The following PSD3 variants were observed in gnomAD, a reference collection of about 807,000 sequenced individuals.
PSD3 encodes the protein pleckstrin and Sec7 domain containing 3.
PSD3 carries 49 observed loss-of-function variants against 105.5 expected under a neutral mutation model. That is an observed-to-expected ratio of 0.46 (90% CI 0.37 to 0.59). The LOEUF (loss-of-function observed/expected upper bound fraction) is 0.59. Ranked by LOEUF, PSD3 falls within the 20% of genes least tolerant of loss-of-function variation. PSD3 has a pLI of 0.00. For synonymous variants in PSD3, 557 were observed against 457.8 expected (o/e 1.22, Z -2.77); for missense variants, 1,561 against 1,263.8 (o/e 1.24, Z -3.57).
intron 4 of PSD3, among the ~76,000 whole-genome samples, chr8:18,842,689 C>T (rs972533707): frequency 6.6e-6 from 1 of 151,614 alleles, no homozygotes; most frequent in Non-Finnish European, 1.5e-5. Flanking sequence ...GCCGAGATAG[C>T]GCCACCGCAC....
Position 18,871,691 on chromosome 8 carries a change from T to C in PSD3, c.1173A>G (p.Glu391=), listed in dbSNP as rs548160525. 7.4e-5 allele frequency: 120 copies of C among 1,614,088 alleles called. 2 individuals are homozygous for C. The South Asian group carries it at 1.1e-3, about 14-fold the overall frequency. Residue 391 remains glutamate (E), a synonymous_variant, in exon 3 of 16, where the codon GAA becomes GAG. Coordinates refer to ENST00000327040, the MANE Select transcript of PSD3 (RefSeq NM_015310.4). ...PVRLDESGED[E]VFLQENKQHL... is the part of the protein sequence containing the mutation. ...GCTGTTTGTTTTCCTGTAGGAAGAC[T>C]TCATCCTCTCCACTCTCATCAAGAC... is the stretch of plus-strand genomic sequence containing the variant.
rs2129841054 is a variant in PSD3 at position 18,528,918 on chromosome 8, G to C, written c.*6825C>G. 1 of 152,550 alleles carries C rather than the reference G, an allele frequency of 6.6e-6. No homozygotes were observed. Among genetic ancestry groups the C allele is most frequent in the African/African-American group, 2.4e-5 (1 of 41,564 alleles). 9.4% of individuals were successfully genotyped at this position (152,550 alleles called of 1,614,324 possible). A position where few individuals can be genotyped will look rare whatever the true frequency, so the allele number is the denominator to read the frequency against. On this transcript the variant is annotated 3_prime_UTR_variant, in exon 16 of 16. Coordinates refer to ENST00000327040, the MANE Select transcript of PSD3 (RefSeq NM_015310.4). ...GTTCCTTTCCATTTCCATCCTCGCTGTTGTTGCTGATGGAAAAGTGCTCAA... is the reference window on the plus strand; with the variant it reads ...GTTCCTTTCCATTTCCATCCTCGCTCTTGTTGCTGATGGAAAAGTGCTCAA...
rs765540896 is a variant in PSD3, at chr8:19,013,541, G to A, written c.21+22C>T. On this transcript the variant is annotated intron_variant, in intron 1 of 15. Coordinates refer to ENST00000327040, the MANE Select transcript of PSD3 (RefSeq NM_015310.4). ...GGCGCCGCGTGCGCACCCCGCGCCCGCGCCCCGGCCCCGGAGCTCACCGCT... is the reference window on the plus strand; with the variant it reads ...GGCGCCGCGTGCGCACCCCGCGCCCACGCCCCGGCCCCGGAGCTCACCGCT... The A allele has an allele frequency of 1.8e-5, 29 of 1,573,204 alleles. No homozygotes were observed. The African/African-American group carries it at 2.1e-4, about 11-fold the overall frequency.
At chr8:19,014,965 C>G (rs1430104625), upstream of PSD3, among the ~76,000 whole-genome samples, 4 of 152,196 alleles carry the variant, frequency 2.6e-5, no homozygotes, top group African/African-American at 9.7e-5. The surrounding 1 kb of genome is among the most constrained non-coding windows in gnomAD (Gnocchi z 4.9). Context: ...CTCATGCTCC[C>G]CCTGCCAGAG....
intron 15 of PSD3, among the ~76,000 whole-genome samples, chr8:18,543,835 T>C (rs1231633394): frequency 6.6e-6 from 1 of 152,122 alleles, no homozygotes; most frequent in Non-Finnish European, 1.5e-5. Context: ...CACACATATA[T>C]TTACATGGAT....
intron 13 of PSD3, among the ~76,000 whole-genome samples, chr8:18,573,892 C>G (rs1481335163): frequency 1.3e-5 from 2 of 151,972 alleles, no homozygotes; most frequent in Non-Finnish European, 2.9e-5. Flanking sequence ...TGTAAATATG[C>G]TAAAAAAATC....
intron 14 of PSD3, among the ~76,000 whole-genome samples, chr8:18,558,839 A>G (rs1052779015): frequency 6.6e-6 from 1 of 152,042 alleles, no homozygotes; most frequent in Admixed American, 6.5e-5. Flanking sequence ...AAAACAAAAC[A>G]AAACCAGAAG....
intron 1 of PSD3, among the ~76,000 whole-genome samples, chr8:19,002,387 G>A (rs188000930): frequency 2.6e-5 from 4 of 152,012 alleles, no homozygotes; most frequent in Admixed American, 6.6e-5. Flanking sequence ...GGTTCTTACC[G>A]TTCCTATTAT....
chr8:18,862,718 G>A (rs1202006738), intron 4 of PSD3, among the ~76,000 whole-genome samples: 1 of 151,628 alleles, frequency 6.6e-6, no homozygotes, highest in Non-Finnish European at 1.5e-5. Context: ...AGTTTAAACT[G>A]GGATGTTGAA....
At chr8:18,675,881 T>C (rs180683897) in intron 9 of PSD3, among the ~76,000 whole-genome samples, 2 of 152,204 alleles carry the variant, frequency 1.3e-5, no homozygotes, top group African/African-American at 4.8e-5. Context: ...AAATAAAAAA[T>C]ATTTTCCAAA....
At chr8:19,072,175 C>T (rs1829292394) in intron 1 of PSD3, among the ~76,000 whole-genome samples, 1 of 151,578 alleles carries the variant, frequency 6.6e-6, no homozygotes. Context: ...GATCTCTGCT[C>T]ACTGCAGCCT....
At chr8:18,767,002 A>G (rs546478356) in intron 8 of PSD3, among the ~76,000 whole-genome samples, 1 of 152,340 alleles carries the variant, frequency 6.6e-6, no homozygotes, top group South Asian at 2.1e-4. Context: ...TCACTACAGC[A>G]TCTTCCAAAG....
At chr8:19,028,284 C>CT (rs1554571587) in intron 1 of PSD3, among the ~76,000 whole-genome samples, 1 of 94,544 alleles carries the variant, frequency 1.1e-5, no homozygotes, top group African/African-American at 4.1e-5. Context: ...CACCACCCCC[C>CT]CCCCCCGGCC....
chr8:18,625,073 A>G (rs1239829118), intron 11 of PSD3, among the ~76,000 whole-genome samples: 1 of 151,948 alleles, frequency 6.6e-6, no homozygotes, highest in African/African-American at 2.4e-5. Flanking sequence ...TCTACCCAAA[A>G]GTCATGAAGT....
At chr8:18,889,421 G>A (rs781396797) in intron 2 of PSD3, among the ~76,000 whole-genome samples, 10 of 152,094 alleles carry the variant, frequency 6.6e-5, no homozygotes, top group Non-Finnish European at 1.3e-4. Context: ...AACCAATCCA[G>A]AGCCACAGCA....
chr8:18,573,627 TGA>T (rs1802287080), intron 13 of PSD3, among the ~76,000 whole-genome samples: 1 of 152,188 alleles, frequency 6.6e-6, no homozygotes, highest in African/African-American at 2.4e-5. Flanking sequence ...AATAAAGTAC[TGA>T]CACACACTAC....
rs371707736 is a variant in PSD3, at chr8:18,924,063, C to A, written c.130+11971G>T. Among the ~76,000 whole-genome samples the A allele has an allele frequency of 2.1e-4, 32 of 152,184 alleles. No individual in the cohort carries two copies. The South Asian group carries it at 6.6e-3, about 32-fold the overall frequency. ...TTAGTTATCTTAGTATATAAAACACCAAGTAATTCCAAAGAAGTAGTTAAG... is the reference window on the plus strand; with the variant it reads ...TTAGTTATCTTAGTATATAAAACACAAAGTAATTCCAAAGAAGTAGTTAAG... On this transcript the variant is annotated intron_variant, in intron 2 of 15. Coordinates refer to ENST00000327040, the MANE Select transcript of PSD3 (RefSeq NM_015310.4).
intron 9 of PSD3, among the ~76,000 whole-genome samples, chr8:18,679,575 G>A (rs1015146580): frequency 5.3e-5 from 8 of 152,082 alleles, no homozygotes; most frequent in Admixed American, 2.0e-4. Flanking sequence ...CACCAACCTC[G>A]GCAAGATTTC....
chr8:19,026,415 G>A (rs6984023), intron 1 of PSD3, among the ~76,000 whole-genome samples: 6,012 of 152,042 alleles, frequency 0.04, 393 homozygotes, highest in African/African-American at 0.14. Context: ...AGGGCTAATC[G>A]CAGAAGCTGT....
Sources: allele counts gnomAD v4.1 joint callset (sites outside exome capture counted in the v4.1 genomes callset), GRCh38; gene constraint gnomAD v4.1.1; non-coding constraint Gnocchi (gnomAD v3.1); transcripts MANE v1.5; gene names NCBI Gene and HGNC (gene_info 2026-07-23, HGNC 2026-07-21).